The following MARCHF1 variants were observed in gnomAD, a reference collection of about 807,000 sequenced individuals.
MARCHF1 encodes the protein membrane associated ring-CH-type finger 1.
A neutral mutation model predicts 54.2 loss-of-function variants in MARCHF1; 40 were observed. The observed-to-expected ratio is 0.74, with a 90% CI of 0.57 to 0.96. The LOEUF (loss-of-function observed/expected upper bound fraction) is 0.96. MARCHF1 is among the 40% of genes least tolerant of loss of function. MARCHF1 has a pLI of 0.00. For synonymous variants in MARCHF1, 236 were observed against 236.3 expected, an observed-to-expected ratio of 1.00 and a Z score of 0.01; for missense variants, 586 against 656.5, an observed-to-expected ratio of 0.89 and a Z score of 1.17.
chr4:163,885,560 C>G (rs1311793428), intron 3 of MARCHF1, among the ~76,000 whole-genome samples: 6 of 152,048 alleles, frequency 3.9e-5, no homozygotes, highest in Admixed American at 6.6e-5. Context: ...AAGATGTTTC[C>G]TGTCCTCTAT....
chr4:163,630,261 A>G (rs1275135735), intron 5 of MARCHF1, among the ~76,000 whole-genome samples: 1 of 137,812 alleles, frequency 7.3e-6, no homozygotes, highest in African/African-American at 3.0e-5. Context: ...CAGCAATAAA[A>G]AGAAAAAACT....
chr4:163,737,009 T>G (rs1450725125), intron 4 of MARCHF1, among the ~76,000 whole-genome samples: 1 of 152,086 alleles, frequency 6.6e-6, no homozygotes, highest in Non-Finnish European at 1.5e-5. Context: ...CAACTAAGAT[T>G]GATGGAGCAA....
chr4:163,821,041 C>G (rs188368724), intron 4 of MARCHF1, among the ~76,000 whole-genome samples: 2 of 152,206 alleles, frequency 1.3e-5, no homozygotes, highest in East Asian at 3.9e-4. Context: ...CTCCACCTCT[C>G]TAACTTCAGC....
chr4:164,323,894 A>G (rs1395880904), intron 1 of MARCHF1, among the ~76,000 whole-genome samples: 1 of 151,768 alleles, frequency 6.6e-6, no homozygotes, highest in Non-Finnish European at 1.5e-5. Context: ...TTCAGAGCAA[A>G]TTCTGTCTAG....
At chr4:163,943,544 T>C (rs1050659059) in intron 3 of MARCHF1, among the ~76,000 whole-genome samples, 1 of 152,040 alleles carries the variant, frequency 6.6e-6, no homozygotes. Flanking sequence ...CCTATGTGTA[T>C]GGTTTTGTAC....
intron 4 of MARCHF1, among the ~76,000 whole-genome samples, chr4:163,747,264 C>T (rs539391005): frequency 2.0e-5 from 3 of 152,312 alleles, no homozygotes; most frequent in African/African-American, 7.2e-5. Context: ...CATTAGCTGA[C>T]TGGAACAAAA....
intron 2 of MARCHF1, among the ~76,000 whole-genome samples, chr4:164,004,338 C>T (rs1420183607): frequency 1.3e-5 from 2 of 151,720 alleles, no homozygotes; most frequent in Non-Finnish European, 1.5e-5. Context: ...GGAAGATATA[C>T]AAACATAAAT....
chr4:163,845,460 T>TACACACAC (rs10611765), intron 4 of MARCHF1, among the ~76,000 whole-genome samples: 67 of 137,598 alleles, frequency 4.9e-4, no homozygotes, highest in Admixed American at 1.6e-3. Context: ...GCACCTCAGT[T>TACACACAC]ACACACACAC....
At chr4:164,052,060 A>C (rs562225892) in intron 2 of MARCHF1, among the ~76,000 whole-genome samples, 1 of 152,136 alleles carries the variant, frequency 6.6e-6, no homozygotes, top group Non-Finnish European at 1.5e-5. Flanking sequence ...AATATTTGCT[A>C]TCTTATTTCT....
rs74401816 is a variant in MARCHF1 at position 163,589,415 on chromosome 4, T to C, written c.1011-3486A>G. On this transcript the variant is annotated intron_variant, in intron 7 of 9. Coordinates refer to ENST00000514618, the MANE Select transcript of MARCHF1 (RefSeq NM_001394959.1). ...AATCAAAAACTTGGTTCATTTTTCA[T>C]TCCCATTTCACATGATTTATTTTTA... Among the ~76,000 whole-genome samples the C allele has an allele frequency of 2.9e-3, 435 of 152,266 alleles. 1 individual carries two copies. The highest frequency in any genetic ancestry group is 6.0e-3 in the Admixed American group (91 of 15,268).
chr4:163,775,968 T>C (rs1446814289), intron 4 of MARCHF1, among the ~76,000 whole-genome samples: 3 of 152,110 alleles, frequency 2.0e-5, no homozygotes, highest in African/African-American at 7.2e-5. Context: ...CTGGCAATGG[T>C]CCTAAAAACT....
At chr4:163,844,343 C>T (rs1749426224) in intron 4 of MARCHF1, among the ~76,000 whole-genome samples, 1 of 152,080 alleles carries the variant, frequency 6.6e-6, no homozygotes, top group Admixed American at 6.6e-5. Flanking sequence ...GGATGCATAG[C>T]TTGTAAATGT....
chr4:163,679,694 G>A (rs1744034166), intron 5 of MARCHF1, among the ~76,000 whole-genome samples: 1 of 151,062 alleles, frequency 6.6e-6, no homozygotes, highest in Non-Finnish European at 1.5e-5. Context: ...CTCACTGCAA[G>A]CTCCGCCTCC....
intron 1 of MARCHF1, among the ~76,000 whole-genome samples, chr4:164,372,531 AT>A (rs1002681368): frequency 1.3e-5 from 2 of 152,046 alleles, no homozygotes; most frequent in Non-Finnish European, 1.5e-5. Flanking sequence ...TATTTCTATA[AT>A]TTTTTTATAA....
intron 2 of MARCHF1, among the ~76,000 whole-genome samples, chr4:164,035,121 T>C (rs1753965155): frequency 6.6e-6 from 1 of 152,134 alleles, no homozygotes; most frequent in African/African-American, 2.4e-5. Flanking sequence ...TTTTGACCAA[T>C]GAAAATTTAC....
At chr4:163,623,729 T>C (rs936465644) in intron 5 of MARCHF1, among the ~76,000 whole-genome samples, 1 of 152,230 alleles carries the variant, frequency 6.6e-6, no homozygotes, top group African/African-American at 2.4e-5. Flanking sequence ...ACTAATTTCA[T>C]TACTGTCTTC....
At chr4:163,752,054 G>A (rs1746536811) in intron 4 of MARCHF1, among the ~76,000 whole-genome samples, 6 of 152,106 alleles carry the variant, frequency 3.9e-5, no homozygotes, top group Admixed American at 3.3e-4. Flanking sequence ...ACACATGATG[G>A]AAATAACTCA....
intron 2 of MARCHF1, among the ~76,000 whole-genome samples, chr4:164,016,936 T>A (rs1370819230): frequency 6.6e-6 from 1 of 152,072 alleles, no homozygotes; most frequent in Admixed American, 6.6e-5. Context: ...TGTACAATAA[T>A]TATGTATCCA....
At chr4:164,334,625 A>G (rs1218424665) in intron 1 of MARCHF1, among the ~76,000 whole-genome samples, 1 of 152,174 alleles carries the variant, frequency 6.6e-6, no homozygotes, top group Non-Finnish European at 1.5e-5. Context: ...TTGTTTTCAT[A>G]TCTGCTAAGA....
Sources: allele counts gnomAD v4.1 joint callset (sites outside exome capture counted in the v4.1 genomes callset), GRCh38; gene constraint gnomAD v4.1.1; transcripts MANE v1.5; gene names NCBI Gene and HGNC (gene_info 2026-07-23, HGNC 2026-07-21).